Variants in CERS4 observed in about 807,000 individuals in gnomAD.
CERS4 encodes LAG1 homolog, ceramide synthase 4.
In CERS4, 65 loss-of-function variants were observed where a neutral mutation model predicts 51.8. The ratio of observed to expected loss-of-function variants is 1.26; its 90% CI spans 1.03 to 1.54. The LOEUF (loss-of-function observed/expected upper bound fraction) is 1.54, where lower values mean the gene tolerates loss of function less well. Ranked by LOEUF, CERS4 falls within the 40% of genes most tolerant of loss-of-function variation. The pLI, the probability that CERS4 is intolerant of heterozygous loss-of-function variation, is 0.00. For missense variants in CERS4, 563 were observed against 500.4 expected, an observed-to-expected ratio of 1.13 and a Z score of -1.19; for synonymous variants, 228 against 208.4, an observed-to-expected ratio of 1.09 and a Z score of -0.81.
chr19:8,222,459 CG>C lies in CERS4; in HGVS notation c.-2+11598del, dbSNP rs569246846. On this transcript the variant is annotated intron_variant, in intron 2 of 11. Coordinates refer to ENST00000251363, the MANE Select transcript of CERS4 (RefSeq NM_024552.3). ...CTCCGAGAAGTGCTGGGATTACAGGCGTGAGTCACTGTGCCTGGCCAGCATG... is the reference window on the plus strand; with the variant it reads ...CTCCGAGAAGTGCTGGGATTACAGGCTGAGTCACTGTGCCTGGCCAGCATG... Among the ~76,000 whole-genome samples, 19 of 151,896 alleles carry C rather than the reference CG, an allele frequency of 1.3e-4. No individual in the cohort carries two copies. In the South Asian group the frequency reaches 4.0e-3, roughly 32 times the overall value.
chr19:8,246,367 G>T (rs989957238), intron 2 of CERS4, among the ~76,000 whole-genome samples: 13 of 151,828 alleles, frequency 8.6e-5, no homozygotes, highest in Admixed American at 3.3e-4. Context: ...GACCAGCCTG[G>T]ATAACATAGG....
chr19:8,233,099 CT>C (rs978297906), intron 2 of CERS4, among the ~76,000 whole-genome samples: 6 of 151,676 alleles, frequency 4.0e-5, no homozygotes, highest in African/African-American at 1.2e-4. Context: ...CCAGCCTGGT[CT>C]CAAATTCCTG....
At chr19:8,221,621 C>CTGTA (rs1967546829) in intron 2 of CERS4, among the ~76,000 whole-genome samples, 1 of 150,658 alleles carries the variant, frequency 6.6e-6, no homozygotes, top group Admixed American at 6.7e-5. Flanking sequence ...TCTTGGCTCA[C>CTGTA]TGTAACCTCC....
At chr19:8,244,533 GA>G in intron 2 of CERS4, among the ~76,000 whole-genome samples, 1 of 152,036 alleles carries the variant, frequency 6.6e-6, no homozygotes, top group Non-Finnish European at 1.5e-5. Context: ...CTCCACTTTG[GA>G]AAGCATTTGG....
chr19:8,249,210 G>A (rs570638123), intron 2 of CERS4, among the ~76,000 whole-genome samples: 1 of 151,448 alleles, frequency 6.6e-6, no homozygotes, highest in African/African-American at 2.4e-5. Flanking sequence ...TGGACGATGG[G>A]TGGATGGATG....
intron 10 of CERS4, among the ~76,000 whole-genome samples, chr19:8,258,881 C>G (rs1259000308): frequency 1.3e-5 from 2 of 151,260 alleles, no homozygotes; most frequent in African/African-American, 4.9e-5. Flanking sequence ...CGCCTGTCAT[C>G]CCAGCACTTT....
intron 2 of CERS4, among the ~76,000 whole-genome samples, chr19:8,229,199 C>A (rs1336761354): frequency 6.6e-6 from 1 of 151,968 alleles, no homozygotes; most frequent in East Asian, 1.9e-4. Context: ...GTAGTGCACA[C>A]CTGTAATCCC....
chr19:8,258,027 G>A (rs150575398), intron 10 of CERS4, 42 bp downstream of exon 10: 140 of 1,452,716 alleles, frequency 9.6e-5, no homozygotes, highest in African/African-American at 6.4e-4. Flanking sequence ...GTGGGAGGGC[G>A]TGTCTGAGAT....
At chr19:8,244,638 C>T (rs1968677958) in intron 2 of CERS4, among the ~76,000 whole-genome samples, 1 of 152,126 alleles carries the variant, frequency 6.6e-6, no homozygotes, top group Admixed American at 6.5e-5. Flanking sequence ...TTCTGGCCTC[C>T]AAAATGCTAC....
chr19:8,255,968 C>T (rs1969358188), intron 6 of CERS4, 89 bp downstream of exon 6: 1 of 1,405,556 alleles, frequency 7.1e-7, no homozygotes, highest in South Asian at 1.2e-5. Context: ...GTGGTGCAGC[C>T]AGAGAGGAAA....
chr19:8,251,926 A>C (rs924464039), intron 3 of CERS4, among the ~76,000 whole-genome samples: 4 of 151,856 alleles, frequency 2.6e-5, no homozygotes, highest in Non-Finnish European at 5.9e-5. Flanking sequence ...CCCTTAAAAA[A>C]AATTTTTTTT....
intron 2 of CERS4, among the ~76,000 whole-genome samples, chr19:8,224,156 C>T (rs562948696): frequency 2.7e-5 from 4 of 148,590 alleles, no homozygotes; most frequent in Admixed American, 6.7e-5. Context: ...TGCCTGTAAT[C>T]CCAGCACTTT....
chr19:8,252,442 CTTT>C lies in CERS4; in HGVS notation c.173+1205_173+1207del, dbSNP rs58506162. On this transcript the variant is annotated intron_variant, in intron 3 of 11. Coordinates refer to ENST00000251363, the MANE Select transcript of CERS4 (RefSeq NM_024552.3). ...TAGGCATGCCACCATGGCTGGCTAA[CTTT>C]TTTTTTTTTTTGAGACAGAGTCTTG... Among the ~76,000 whole-genome samples, 324 of 148,652 alleles carry C rather than the reference CTTT, an allele frequency of 2.2e-3. 1 individual carries two copies. The highest frequency in any genetic ancestry group is 7.3e-3 in the African/African-American group (294 of 40,208).
chr19:8,255,229 T>C (rs2145314771), intron 4 of CERS4, among the ~76,000 whole-genome samples: 1 of 152,190 alleles, frequency 6.6e-6, no homozygotes, highest in South Asian at 2.1e-4. Flanking sequence ...ACTTGTCAAT[T>C]TCCCTCTTCA....
At chr19:8,221,058 C>T (rs1054473212) in intron 2 of CERS4, among the ~76,000 whole-genome samples, 5 of 151,962 alleles carry the variant, frequency 3.3e-5, no homozygotes, top group Non-Finnish European at 7.4e-5. Context: ...ATCTCCTGAC[C>T]TTGTGATCTG....
intron 2 of CERS4, among the ~76,000 whole-genome samples, chr19:8,218,569 A>G (rs577062460): frequency 6.6e-6 from 1 of 152,294 alleles, no homozygotes; most frequent in African/African-American, 2.4e-5. Flanking sequence ...CGGCCAGGTC[A>G]CAAAGGCCTC....
chr19:8,252,098 C>G, intron 3 of CERS4, among the ~76,000 whole-genome samples: 1 of 151,324 alleles, frequency 6.6e-6, no homozygotes, highest in Non-Finnish European at 1.5e-5. Flanking sequence ...AGGCTGGGTG[C>G]AGTGGCTCAT....
At chr19:8,217,537 G>GTTTT (rs567486585) in intron 2 of CERS4, among the ~76,000 whole-genome samples, 1 of 134,536 alleles carries the variant, frequency 7.4e-6, no homozygotes, top group Non-Finnish European at 1.6e-5. Context: ...CCTGGCTAAT[G>GTTTT]TTTTTTTTTT....
At chr19:8,245,123 A>AC (rs370968490) in intron 2 of CERS4, among the ~76,000 whole-genome samples, 5 of 58,298 alleles carry the variant, frequency 8.6e-5, no homozygotes, top group Admixed American at 2.4e-4. Flanking sequence ...AAAAAAAAAA[A>AC]AAAAAAAAAA....
Sources: gnomAD v4.1 joint callset for allele counts (sites outside exome capture counted in the v4.1 genomes callset) on GRCh38, gnomAD v4.1.1 for gene constraint, MANE v1.5 for transcripts, NCBI Gene and HGNC (gene_info 2026-07-23, HGNC 2026-07-21) for gene names.